Variants in LPA observed in about 807,000 individuals in gnomAD.
LPA encodes the protein lipoprotein(a), also known as apolipoprotein(a).
LPA carries 199 observed loss-of-function variants against 197.9 expected under a neutral mutation model. The ratio of observed to expected loss-of-function variants is 1.01; its 90% confidence interval spans 0.90 to 1.13. LPA has a LOEUF of 1.13. Among genes scored for constraint, LPA ranks in the 50% most tolerant of loss-of-function variants. LPA has a pLI of 0.00. For synonymous variants in LPA, 715 were observed against 639.5 expected (o/e 1.12, Z -1.78); for missense variants, 1,853 against 1,785.8 (o/e 1.04, Z -0.68).
chr6:160,548,368 G>A (rs1044072440), intron 31 of LPA, 110 bp downstream of exon 31: 24 of 1,113,134 alleles, frequency 2.2e-5, no homozygotes, highest in African/African-American at 9.2e-5. Context: ...TCGAGCTCCC[G>A]TGTAGCACTA....
intron 20 of LPA, among the ~76,000 whole-genome samples, chr6:160,597,789 C>G (rs1477896233): frequency 6.6e-6 from 1 of 152,086 alleles, no homozygotes; most frequent in Non-Finnish European, 1.5e-5. Context: ...TTTTTATTGA[C>G]TGATTATTTT....
In LPA at chr6:160,608,094, A is replaced by G. The variant is rs550405823; in HGVS notation, c.2604-1436T>C. Reference sequence around the variant, plus strand: ...ATTTTGTTTCCAGTAGTCAACGCTCATTTAAAAATATATAGAAATTTGGTC... The same window carrying G: ...ATTTTGTTTCCAGTAGTCAACGCTCGTTTAAAAATATATAGAAATTTGGTC... On this transcript the variant is annotated intron_variant, in intron 16 of 38. Coordinates refer to ENST00000316300, the MANE Select transcript of LPA (RefSeq NM_005577.4). Among the ~76,000 whole-genome samples, 126 of 152,298 alleles carry G rather than the reference A, an allele frequency of 8.3e-4. 1 individual carries two copies. Among genetic ancestry groups the G allele is most frequent in the African/African-American group, 2.9e-3 (120 of 41,532 alleles).
Position 160,646,735 on chromosome 6 carries a change from A to G in LPA, c.210-340T>C, listed in dbSNP as rs542588434. 4.5e-4 allele frequency among the ~76,000 whole-genome samples: 64 copies of G among 141,332 alleles called. 1 individual carries two copies. The highest frequency in any genetic ancestry group is 1.5e-3 in the African/African-American group (56 of 36,764). 92.7% of individuals were successfully genotyped at this position (141,332 alleles called of 152,430 possible). A position where few individuals can be genotyped will look rare whatever the true frequency, so the allele number is the denominator to read the frequency against. Reference sequence around the variant, plus strand: ...AATCCATCTCTCTGGAATAACTGGTATGGGTTTTGACGTCTGTATTGTGGG... The same window carrying G: ...AATCCATCTCTCTGGAATAACTGGTGTGGGTTTTGACGTCTGTATTGTGGG... On this transcript the variant is annotated intron_variant, in intron 2 of 38. Coordinates refer to ENST00000316300, the MANE Select transcript of LPA (RefSeq NM_005577.4).
At chr6:160,601,524 T>C (rs1715728407) in intron 18 of LPA, among the ~76,000 whole-genome samples, 1 of 152,168 alleles carries the variant, frequency 6.6e-6, no homozygotes, top group African/African-American at 2.4e-5. Flanking sequence ...GGACTTCATA[T>C]AGTAATGTGC....
chr6:160,566,364 A>G (rs958373266), intron 28 of LPA, among the ~76,000 whole-genome samples: 4 of 152,244 alleles, frequency 2.6e-5, no homozygotes, highest in Non-Finnish European at 5.9e-5. Context: ...AGAATTTTCA[A>G]CTGAGAATAT....
chr6:160,634,354 T>A (rs1205175482), intron 7 of LPA, among the ~76,000 whole-genome samples: 4 of 101,356 alleles, frequency 3.9e-5, no homozygotes, highest in Middle Eastern at 4.6e-3. Context: ...AGCCAAGGCC[T>A]CTGGCTTCCA....
At chr6:160,585,237 T>C in intron 25 of LPA, 32 bp from the exon 26 acceptor site, 1 of 1,612,982 alleles carries the variant, frequency 6.2e-7, no homozygotes, top group Admixed American at 1.7e-5. Flanking sequence ...AAGCTCAGTA[T>C]TGCCTAGAAA....
At chr6:160,573,241 G>A (rs921813626) in intron 28 of LPA, among the ~76,000 whole-genome samples, 3 of 151,906 alleles carry the variant, frequency 2.0e-5, no homozygotes, top group African/African-American at 7.3e-5. Flanking sequence ...ACTTTCCAGA[G>A]CATGTCACAT....
chr6:160,649,252 C>G (rs555995894), intron 2 of LPA, among the ~76,000 whole-genome samples: 68 of 152,248 alleles, frequency 4.5e-4, no homozygotes, highest in Admixed American at 1.2e-3. Flanking sequence ...ACTCCAATAT[C>G]CCTTAGTGCT....
chr6:160,590,492 T>C (rs1054982784), intron 23 of LPA, among the ~76,000 whole-genome samples: 1 of 152,042 alleles, frequency 6.6e-6, no homozygotes, highest in Non-Finnish European at 1.5e-5. Flanking sequence ...TGGAACTAAG[T>C]AAAGTCATAT....
At chr6:160,571,724 C>T (rs991165356) in intron 28 of LPA, among the ~76,000 whole-genome samples, 13 of 152,212 alleles carry the variant, frequency 8.5e-5, no homozygotes, top group Non-Finnish European at 1.2e-4. Context: ...TACCCCTCCT[C>T]CCACCAAGCT....
At chr6:160,594,373 G>A (rs1333174040) in intron 21 of LPA, among the ~76,000 whole-genome samples, 1 of 152,176 alleles carries the variant, frequency 6.6e-6, no homozygotes, top group Non-Finnish European at 1.5e-5. Context: ...AGTCAAAATT[G>A]CACTCATGTG....
At chr6:160,591,938 T>A (rs1048567074) in intron 22 of LPA, among the ~76,000 whole-genome samples, 13 of 152,188 alleles carry the variant, frequency 8.5e-5, no homozygotes, top group African/African-American at 2.9e-4. Context: ...GGAACCCCCT[T>A]TTTTTCTTCT....
chr6:160,539,483 A>G (rs1777944832), intron 36 of LPA, among the ~76,000 whole-genome samples: 1 of 144,974 alleles, frequency 6.9e-6, no homozygotes, highest in South Asian at 2.2e-4. Flanking sequence ...ATTTCTGTTC[A>G]TTTGTTTTGT....
intron 32 of LPA, among the ~76,000 whole-genome samples, chr6:160,546,813 A>T (rs1446540869): frequency 6.6e-6 from 1 of 152,224 alleles, no homozygotes; most frequent in Non-Finnish European, 1.5e-5. Flanking sequence ...GGGGGAACAC[A>T]GACACTTTGG....
chr6:160,573,719 C>A (rs1172742445), intron 28 of LPA, among the ~76,000 whole-genome samples: 6 of 152,192 alleles, frequency 3.9e-5, no homozygotes, highest in African/African-American at 1.4e-4. Context: ...CCTAGCAAGT[C>A]TACCCAGCTC....
In LPA at chr6:160,585,176, C is replaced by A; in HGVS notation, c.4159G>T (p.Asp1387Tyr). 1 of 1,613,580 alleles carries A rather than the reference C, an allele frequency of 6.2e-7. No individual in the cohort carries two copies. The highest frequency in any genetic ancestry group is 1.3e-5 in the African/African-American group (1 of 74,864). Residue 1387 changes from aspartate (D) to tyrosine (Y), a missense_variant, in exon 26 of 39, where the codon GAC (aspartate) becomes TAC (tyrosine). Physicochemically the swap from Asp to Tyr is radical, Grantham distance 160 (BLOSUM62 -3). Transcript: ENST00000316300. ...CTCTGTCCATCACCTCGGTAGCAGT[C>A]CTGGACCCCAGTGCTGTTTTCAGTT... ...APTENSTGVQ[D>Y]CYRGDGQSYR...
intron 28 of LPA, among the ~76,000 whole-genome samples, chr6:160,572,299 A>C (rs1778577431): frequency 6.6e-6 from 1 of 151,962 alleles, no homozygotes; most frequent in South Asian, 2.1e-4. Context: ...GGGGAGCGGC[A>C]GACTGGAGCT....
At position 160,541,170 on chromosome 6, in the gene LPA, T is replaced by G; in HGVS notation, c.5531A>C (p.His1844Pro). 1 of 1,613,652 alleles carries G rather than the reference T, an allele frequency of 6.2e-7. No individual in the cohort carries two copies. Among genetic ancestry groups the G allele is most frequent in the Non-Finnish European group, 8.5e-7 (1 of 1,179,500 alleles). Residue 1844 changes from histidine to proline, a missense_variant, in exon 35 of 39, where the codon CAC becomes CCC. Physicochemically the swap from His to Pro is moderately conservative, Grantham distance 77. Transcript: ENST00000316300. ...GGATATTAAGGTGCCTCCACAGAAG[T>G]GCTTTCCAAACCTAGAAAGAAAACA... The part of the protein sequence containing the change: ...QVSLRTRFGK[H>P]FCGGTLISPE...
Sources: allele counts gnomAD v4.1 joint callset (sites outside exome capture counted in the v4.1 genomes callset), GRCh38; gene constraint gnomAD v4.1.1; transcripts MANE v1.5; gene names NCBI Gene and HGNC (gene_info 2026-07-23, HGNC 2026-07-21).